ARHGEF28: variants seen among roughly 807,000 people sequenced by gnomAD.
ARHGEF28 encodes Rho guanine nucleotide exchange factor 28, also known as 190 kDa guanine nucleotide exchange factor.
ARHGEF28 carries 152 observed loss-of-function variants against 206.6 expected under a neutral mutation model. That is an observed-to-expected ratio of 0.74 (90% CI 0.64 to 0.84). ARHGEF28 has a LOEUF of 0.84. ARHGEF28 is among the 40% of genes least tolerant of loss of function. ARHGEF28 has a pLI of 0.00. For missense variants in ARHGEF28, 2,028 were observed against 2,073.2 expected (o/e 0.98, Z 0.42); for synonymous variants, 763 against 776.4 (o/e 0.98, Z 0.29).
chr5:73,794,075 T>C (rs1384623208), intron 7 of ARHGEF28, among the ~76,000 whole-genome samples: 3 of 152,224 alleles, frequency 2.0e-5, no homozygotes, highest in African/African-American at 7.2e-5. Context: ...CAATCTGCTA[T>C]TTTGAAGAAC....
At chr5:73,725,849 A>G (rs1750239334) in intron 2 of ARHGEF28, among the ~76,000 whole-genome samples, 1 of 152,236 alleles carries the variant, frequency 6.6e-6, no homozygotes, top group Non-Finnish European at 1.5e-5. Flanking sequence ...GTCTGAGAAG[A>G]GTTTAAAGAT....
chr5:73,721,836 C>G (rs969077167), intron 2 of ARHGEF28, among the ~76,000 whole-genome samples: 5 of 152,156 alleles, frequency 3.3e-5, no homozygotes, highest in Non-Finnish European at 5.9e-5. Context: ...TAATAGTTGT[C>G]AGGCCAGTGC....
At chr5:73,682,418 CTT>C (rs113519554) in intron 1 of ARHGEF28, among the ~76,000 whole-genome samples, 27 of 140,644 alleles carry the variant, frequency 1.9e-4, no homozygotes, top group East Asian at 2.1e-4. Flanking sequence ...ACAATTCATT[CTT>C]TTTTTTTTTT....
intron 10 of ARHGEF28, among the ~76,000 whole-genome samples, chr5:73,836,081 G>A (rs926854944): frequency 1.5e-4 from 23 of 152,056 alleles, no homozygotes; most frequent in African/African-American, 5.6e-4. Context: ...CCATCTCTTG[G>A]CTACTGTGAA....
At chr5:73,743,618 T>C (rs1401621898) in intron 2 of ARHGEF28, among the ~76,000 whole-genome samples, 1 of 152,218 alleles carries the variant, frequency 6.6e-6, no homozygotes, top group Non-Finnish European at 1.5e-5. Flanking sequence ...ATCTTGATAT[T>C]TCAAATTATA....
chr5:73,758,299 GTCA>G (rs1752420384), intron 4 of ARHGEF28, among the ~76,000 whole-genome samples: 2 of 152,040 alleles, frequency 1.3e-5, no homozygotes, highest in South Asian at 4.1e-4. Flanking sequence ...AAACAAAGAG[GTCA>G]TATAAAGAAT....
At chr5:73,897,207 C>A (rs555178379) in intron 29 of ARHGEF28, among the ~76,000 whole-genome samples, 8 of 152,338 alleles carry the variant, frequency 5.3e-5, no homozygotes, top group African/African-American at 1.4e-4. Flanking sequence ...ATAGAATGCT[C>A]TTCCTCCTCC....
intron 1 of ARHGEF28, among the ~76,000 whole-genome samples, chr5:73,647,867 A>C (rs1744537165): frequency 6.6e-6 from 1 of 152,276 alleles, no homozygotes; most frequent in Admixed American, 6.5e-5. Context: ...GGACATGTGC[A>C]TGTAATGATC....
chr5:73,745,667 A>G (rs1751682407), intron 2 of ARHGEF28, among the ~76,000 whole-genome samples: 1 of 151,988 alleles, frequency 6.6e-6, no homozygotes, highest in Non-Finnish European at 1.5e-5. Flanking sequence ...CCTGTTTTCC[A>G]TGTGACTTGG....
In ARHGEF28 at chr5:73,749,945, G is replaced by A. The variant is rs1751939062; in HGVS notation, c.142G>A (p.Glu48Lys). 1.2e-6 allele frequency: 2 copies of A among 1,613,872 alleles called. No individual in the cohort carries two copies. Among genetic ancestry groups the A allele is most frequent in the East Asian group, 2.2e-5 (1 of 44,896 alleles). Residue 48 changes from glutamate to lysine, a missense_variant, in exon 3 of 36, where the codon GAG becomes AAG. Physicochemically the swap from Glu to Lys is moderately conservative, Grantham distance 56. This residue lies in a region of ARHGEF28 where 1,002 missense variants were observed against 1,015.3 expected (regional missense o/e 0.99). Coordinates refer to ENST00000513042, the MANE Select transcript of ARHGEF28 (RefSeq NM_001177693.2). ...TCATCAGCGACATGTCATGATTGCA[G>A]AGCGCATCGAGGATAACGTTCTCCA... is the stretch of plus-strand genomic sequence containing the variant. ...GSHQRHVMIA[E>K]RIEDNVLQSS... is the part of the protein sequence containing the mutation.
chr5:73,664,849 C>A (rs927180352), intron 1 of ARHGEF28, among the ~76,000 whole-genome samples: 6 of 152,158 alleles, frequency 3.9e-5, no homozygotes, highest in African/African-American at 1.4e-4. Flanking sequence ...TCAACCCTTC[C>A]TAGACACAAG....
At chr5:73,907,253 G>A (rs1762606558) in intron 33 of ARHGEF28, among the ~76,000 whole-genome samples, 1 of 152,192 alleles carries the variant, frequency 6.6e-6, no homozygotes, top group Non-Finnish European at 1.5e-5. Context: ...TGAGCATCCT[G>A]GCTAGTGTTG....
At chr5:73,818,264 C>T (rs1356306840) in intron 9 of ARHGEF28, among the ~76,000 whole-genome samples, 2 of 152,038 alleles carry the variant, frequency 1.3e-5, no homozygotes, top group African/African-American at 4.8e-5. Flanking sequence ...GTTTACAGGG[C>T]AGGTACCTAA....
chr5:73,800,985 G>A lies in ARHGEF28; in HGVS notation c.1024+5594G>A, dbSNP rs74651859. Among the ~76,000 whole-genome samples the A allele has an allele frequency of 2.5e-3, 372 of 151,778 alleles. 2 individuals are homozygous for A. Among genetic ancestry groups the A allele is most frequent in the African/African-American group, 8.7e-3 (359 of 41,060 alleles). On this transcript the variant is annotated intron_variant, in intron 9 of 35. Coordinates refer to ENST00000513042, the MANE Select transcript of ARHGEF28 (RefSeq NM_001177693.2). The stretch of plus-strand genomic sequence containing the variant: ...ACATGTGCTAGTGGTGAGCTGGGGG[G>A]AAATGGTGCAGTCAATAAGTGCTAG...
At chr5:73,807,778 G>T (rs976812942) in intron 9 of ARHGEF28, among the ~76,000 whole-genome samples, 1 of 151,870 alleles carries the variant, frequency 6.6e-6, no homozygotes, top group African/African-American at 2.4e-5. Flanking sequence ...GAGCCACCAC[G>T]TCTGGCTCAA....
rs1762774782 is a variant in ARHGEF28, at chr5:73,909,756, C to G, written c.4506C>G (p.His1502Gln). The G allele has an allele frequency of 6.6e-7, 1 of 1,509,974 alleles. No individual in the cohort carries two copies. Among genetic ancestry groups the G allele is most frequent in the Non-Finnish European group, 8.8e-7 (1 of 1,130,050 alleles). The allele number at this position is 1,509,974 out of a possible 1,614,324, so 93.5% of individuals were successfully genotyped here. The change falls in exon 34 of 36, where the codon CAC becomes CAG. Residue 1502 changes from histidine to glutamine, a missense_variant. By Grantham distance (24) the His-to-Gln change is conservative. Coordinates refer to ENST00000513042, the MANE Select transcript of ARHGEF28 (RefSeq NM_001177693.2). The stretch of plus-strand genomic sequence containing the variant: ...ACCTCCAGCTCCAGGAGTACCAGCA[C>G]AGCCTGGAGCGGCTGAGGGAGGGCC... ...ELDLQLQEYQ[H>Q]SLERLREGQR...
At chr5:73,690,559 G>T (rs56368780) in intron 2 of ARHGEF28, among the ~76,000 whole-genome samples, 15,638 of 128,088 alleles carry the variant, frequency 0.12, 2,101 homozygotes, top group Non-Finnish European at 0.18. Context: ...AAAGCCACGT[G>T]TGGTGGCTCA....
At chr5:73,795,767 C>A (rs1754765270) in intron 9 of ARHGEF28, among the ~76,000 whole-genome samples, 1 of 152,182 alleles carries the variant, frequency 6.6e-6, no homozygotes, top group African/African-American at 2.4e-5. Context: ...AGACTCATAA[C>A]TTCATTCCAC....
At chr5:73,856,226 G>C (rs1184643194) in intron 14 of ARHGEF28, among the ~76,000 whole-genome samples, 1 of 152,192 alleles carries the variant, frequency 6.6e-6, no homozygotes, top group Non-Finnish European at 1.5e-5. Context: ...GTTATCCTAG[G>C]TAAAAATGAC....
Sources: gnomAD v4.1 joint callset for allele counts (sites outside exome capture counted in the v4.1 genomes callset) on GRCh38, gnomAD v4.1.1 for gene constraint, gnomAD v4.1.1 regional missense constraint, MANE v1.5 for transcripts, NCBI Gene and HGNC (gene_info 2026-07-23, HGNC 2026-07-21) for gene names.